SGCZ: variants seen among roughly 807,000 people sequenced by gnomAD.
SGCZ encodes the protein sarcoglycan zeta, also known as zeta-sarcoglycan.
Under a neutral mutation model 41.3 loss-of-function variants are expected in SGCZ, and 40 were observed. The ratio of observed to expected loss-of-function variants is 0.97; its 90% CI spans 0.75 to 1.26. The LOEUF (loss-of-function observed/expected upper bound fraction) is 1.26. SGCZ is among the 50% of genes most tolerant of loss of function. SGCZ has a pLI of 0.00. For synonymous variants in SGCZ, 206 were observed against 137.5 expected (o/e 1.50, Z -3.49); for missense variants, 552 against 369.8 (o/e 1.49, Z -4.04).
At chr8:14,244,043 G>C (rs1317940280) in intron 3 of SGCZ, among the ~76,000 whole-genome samples, 2 of 152,140 alleles carry the variant, frequency 1.3e-5, no homozygotes, top group Non-Finnish European at 2.9e-5. Flanking sequence ...TGAATGAACT[G>C]AACTGAGCAC....
chr8:14,258,225 A>C (rs34062482), intron 3 of SGCZ, among the ~76,000 whole-genome samples: 58,206 of 152,004 alleles, frequency 0.38, 12,550 homozygotes, highest in Non-Finnish European at 0.5. Context: ...TCCCCCATGT[A>C]TGAAGATTAT....
intron 1 of SGCZ, among the ~76,000 whole-genome samples, chr8:14,640,836 A>G (rs1410916495): frequency 6.6e-6 from 1 of 151,668 alleles, no homozygotes; most frequent in Non-Finnish European, 1.5e-5. Flanking sequence ...AGCCCCTGCA[A>G]GTTCTGAATA....
At chr8:15,231,221 G>C (rs1414482294) in intron 1 of SGCZ, among the ~76,000 whole-genome samples, 1 of 152,116 alleles carries the variant, frequency 6.6e-6, no homozygotes, top group Non-Finnish European at 1.5e-5. Context: ...AGCTTTTCTG[G>C]CTGGATGCTA....
intron 2 of SGCZ, among the ~76,000 whole-genome samples, chr8:14,403,571 G>A (rs1286129081): frequency 1.3e-5 from 2 of 152,096 alleles, no homozygotes; most frequent in African/African-American, 4.8e-5. Context: ...CTTTGGCTCT[G>A]TTTATATGCT....
At chr8:14,611,366 G>A (rs1465469572) in intron 1 of SGCZ, among the ~76,000 whole-genome samples, 2 of 152,000 alleles carry the variant, frequency 1.3e-5, no homozygotes, top group Non-Finnish European at 2.9e-5. Flanking sequence ...AATAGATTGT[G>A]GAATTGTTTC....
chr8:14,907,551 C>A, intron 1 of SGCZ, among the ~76,000 whole-genome samples: 1 of 152,070 alleles, frequency 6.6e-6, no homozygotes, highest in East Asian at 1.9e-4. Flanking sequence ...CAATAACTAA[C>A]TATTCTTAAT....
chr8:15,101,736 C>G (rs1806622465), intron 1 of SGCZ, among the ~76,000 whole-genome samples: 1 of 152,082 alleles, frequency 6.6e-6, no homozygotes, highest in Non-Finnish European at 1.5e-5. Context: ...TTGAGACCAG[C>G]CTGGAAAACA....
intron 1 of SGCZ, among the ~76,000 whole-genome samples, chr8:14,759,755 C>G (rs1028641202): frequency 3.3e-5 from 5 of 152,056 alleles, no homozygotes; most frequent in Non-Finnish European, 5.9e-5. Context: ...GTGTTCAGCT[C>G]TCCTTGATAA....
intron 2 of SGCZ, among the ~76,000 whole-genome samples, chr8:14,398,734 G>T (rs1238324655): frequency 6.6e-6 from 1 of 152,130 alleles, no homozygotes; most frequent in African/African-American, 2.4e-5. Context: ...TATTGGATAT[G>T]CATTGTTAAA....
At chr8:14,130,796 G>C (rs1000523077) in intron 5 of SGCZ, among the ~76,000 whole-genome samples, 5 of 152,194 alleles carry the variant, frequency 3.3e-5, no homozygotes, top group African/African-American at 7.2e-5. Flanking sequence ...TGGAAGGCAG[G>C]TATGTTTTTT....
intron 1 of SGCZ, among the ~76,000 whole-genome samples, chr8:14,927,267 C>G (rs887703671): frequency 1.3e-5 from 2 of 151,872 alleles, no homozygotes; most frequent in Non-Finnish European, 2.9e-5. Flanking sequence ...CGCCACCACG[C>G]CCGCCTAATT....
chr8:15,206,897 G>C (rs1030557215), intron 1 of SGCZ, among the ~76,000 whole-genome samples: 32 of 152,112 alleles, frequency 2.1e-4, no homozygotes, highest in African/African-American at 7.7e-4. Flanking sequence ...TGGAATGAAA[G>C]GTAGGATGGA....
intron 2 of SGCZ, among the ~76,000 whole-genome samples, chr8:14,494,354 T>C (rs915870750): frequency 6.6e-6 from 1 of 152,212 alleles, no homozygotes; most frequent in Non-Finnish European, 1.5e-5. Context: ...GCTACTGTTT[T>C]CATGAATTCA....
intron 1 of SGCZ, among the ~76,000 whole-genome samples, chr8:15,085,195 C>G (rs1342683864): frequency 6.6e-6 from 1 of 152,132 alleles, no homozygotes; most frequent in East Asian, 1.9e-4. Flanking sequence ...GTTTATTTAA[C>G]AACAAAATCC....
At position 15,183,860 on chromosome 8, in the gene SGCZ, T is replaced by C. The variant is rs980940077; in HGVS notation, c.39+53725A>G. On this transcript the variant is annotated intron_variant, in intron 1 of 7. Transcript: ENST00000382080. ...ATCTCACAGTTCACAAAAATTAACT[T>C]TACTAGCTAGCATTTATTACTTCAA... Among the ~76,000 whole-genome samples, 4 of 152,244 alleles carry C rather than the reference T, an allele frequency of 2.6e-5. No homozygotes were observed. In the South Asian group the frequency reaches 8.3e-4, roughly 32 times the overall value.
In SGCZ at chr8:15,104,163, T is replaced by C. The variant is rs535774759; in HGVS notation, c.39+133422A>G. On this transcript the variant is annotated intron_variant, in intron 1 of 7. Transcript: ENST00000382080. ...CTGGATGTGCCCCCAACTTATCAAA[T>C]GGTTCTGGTTTCAATAACTCTGTTT... Among the ~76,000 whole-genome samples, 5 of 152,294 alleles carry C rather than the reference T, an allele frequency of 3.3e-5. No homozygotes were observed. In the South Asian group the frequency reaches 8.3e-4, roughly 25 times the overall value.
At chr8:14,126,981 G>C (rs575447994) in intron 5 of SGCZ, among the ~76,000 whole-genome samples, 1 of 151,956 alleles carries the variant, frequency 6.6e-6, no homozygotes, top group Admixed American at 6.6e-5. Context: ...CCATCTGGGG[G>C]GTCAGGGGGA....
intron 4 of SGCZ, among the ~76,000 whole-genome samples, chr8:14,191,141 T>G (rs1322290312): frequency 6.6e-6 from 1 of 152,224 alleles, no homozygotes; most frequent in Non-Finnish European, 1.5e-5. Context: ...TTTTATGTCT[T>G]TGGAAAGATG....
At chr8:14,720,284 G>C (rs1809839915) in intron 1 of SGCZ, among the ~76,000 whole-genome samples, 2 of 151,942 alleles carry the variant, frequency 1.3e-5, no homozygotes, top group African/African-American at 4.8e-5. Context: ...TTCACAGTTT[G>C]CTTCTCCTTT....
Sources: gnomAD v4.1 joint callset for allele counts (sites outside exome capture counted in the v4.1 genomes callset) on GRCh38, gnomAD v4.1.1 for gene constraint, MANE v1.5 for transcripts, NCBI Gene and HGNC (gene_info 2026-07-23, HGNC 2026-07-21) for gene names.